PLA2G12A: variants seen among roughly 807,000 people sequenced by gnomAD.
The protein encoded by PLA2G12A is group XIIA secretory phospholipase A2.
In PLA2G12A, 11 loss-of-function variants were observed where a neutral mutation model predicts 16.0. The observed-to-expected ratio is 0.69, with a 90% confidence interval of 0.43 to 1.13. The LOEUF is 1.13. Ranked by LOEUF, PLA2G12A falls within the 50% of genes most tolerant of loss-of-function variation. The pLI, the probability that PLA2G12A is intolerant of heterozygous loss-of-function variation, is 0.00. For missense variants in PLA2G12A, 214 were observed against 237.3 expected (o/e 0.90, Z 0.65); for synonymous variants, 77 against 93.8 (o/e 0.82, Z 1.03).
intron 1 of PLA2G12A, among the ~76,000 whole-genome samples, chr4:109,723,119 CTTTT>C: frequency 6.6e-6 from 1 of 151,950 alleles, no homozygotes; most frequent in South Asian, 2.1e-4. Context: ...GTAAGATGGG[CTTTT>C]TAACCTTTTG....
intron 1 of PLA2G12A, among the ~76,000 whole-genome samples, chr4:109,728,382 G>C (rs1031260555): frequency 1.3e-5 from 2 of 152,136 alleles, no homozygotes; most frequent in African/African-American, 2.4e-5. Context: ...ATAATGAATA[G>C]GAATGACTAA....
At chr4:109,724,516 ACT>A (rs1438845528) in intron 1 of PLA2G12A, among the ~76,000 whole-genome samples, 1 of 151,858 alleles carries the variant, frequency 6.6e-6, no homozygotes, top group Non-Finnish European at 1.5e-5. Context: ...AAATCCATAG[ACT>A]CTGATTTCAA....
chr4:109,729,683 G>A lies in PLA2G12A; in HGVS notation c.127C>T (p.His43Tyr). 3 of 1,611,624 alleles carry A rather than the reference G, an allele frequency of 1.9e-6. No individual in the cohort carries two copies. Among genetic ancestry groups the A allele is most frequent in the Non-Finnish European group, 2.5e-6 (3 of 1,179,718 alleles). The change falls in exon 1 of 4, where the codon CAT becomes TAT. Residue 43 changes from histidine to tyrosine, a missense_variant. Physicochemically the swap from His to Tyr is moderately conservative, Grantham distance 83. Transcript: ENST00000243501. The part of the protein sequence containing the change: ...ATLKTIRNGV[H>Y]KIDTYLNAAL... ...GCGTTCAGGTACGTGTCTATCTTAT[G>A]AACGCCGTTCCGGATGGTCTTCAGG...
intron 1 of PLA2G12A, among the ~76,000 whole-genome samples, chr4:109,722,416 G>C (rs1298845633): frequency 6.6e-6 from 1 of 152,196 alleles, no homozygotes; most frequent in African/African-American, 2.4e-5. Flanking sequence ...GTATTAGAAG[G>C]TGGGACTATT....
At chr4:109,728,849 T>A (rs1722988342) in intron 1 of PLA2G12A, among the ~76,000 whole-genome samples, 1 of 152,178 alleles carries the variant, frequency 6.6e-6, no homozygotes, top group African/African-American at 2.4e-5. Context: ...GTCCAATATT[T>A]TTCTGACCTA....
chr4:109,722,037 C>T (rs763436538), intron 1 of PLA2G12A, among the ~76,000 whole-genome samples: 4 of 152,132 alleles, frequency 2.6e-5, no homozygotes, highest in Non-Finnish European at 4.4e-5. Flanking sequence ...GTCTCAACAC[C>T]GAGCACAAAT....
At position 109,714,004 on chromosome 4, in the gene PLA2G12A, G is replaced by C; in HGVS notation, c.*373C>G. 5.9e-6 allele frequency: 1 copy of C among 170,072 alleles called. No individual in the cohort carries two copies. Among genetic ancestry groups the C allele is most frequent in the South Asian group, 1.7e-4 (1 of 5,930 alleles). The allele number at this position is 170,072 out of a possible 1,614,324, so 10.5% of individuals were successfully genotyped here. On this transcript the variant is annotated 3_prime_UTR_variant, in exon 4 of 4. Transcript: ENST00000243501. ...CCCATTTTCCAAATAAGATAATGTT[G>C]AACAGACATTATGATGAATTTTATA...
In PLA2G12A at chr4:109,713,478, A is replaced by T. The variant is rs1408481216; in HGVS notation, c.*899T>A. On this transcript the variant is annotated 3_prime_UTR_variant, in exon 4 of 4. Transcript: ENST00000243501. Reference sequence around the variant, plus strand: ...AGTAAAAGGTTACAGTCTTTAAAAAATCTACAATAAGGAACAAGTGCTGGG... The same window carrying T: ...AGTAAAAGGTTACAGTCTTTAAAAATTCTACAATAAGGAACAAGTGCTGGG... 6.6e-6 allele frequency: 1 copy of T among 152,254 alleles called. No individual in the cohort carries two copies. Among genetic ancestry groups the T allele is most frequent in the Non-Finnish European group, 1.5e-5 (1 of 68,044 alleles). The allele number at this position is 152,254 out of a possible 1,614,324, so 9.4% of individuals were successfully genotyped here. A position where few individuals can be genotyped will look rare whatever the true frequency, so the allele number is the denominator to read the frequency against.
chr4:109,713,759 A>G lies in PLA2G12A; in HGVS notation c.*618T>C, dbSNP rs1363232360. ...ACGAGGTTATCAGCTGATGGTTCCA[A>G]TTTTACAACTGGAAAAATGGAAACC... On this transcript the variant is annotated 3_prime_UTR_variant, in exon 4 of 4. Transcript: ENST00000243501. The G allele has an allele frequency of 6.6e-6, 1 of 152,518 alleles. No homozygotes were observed. Among genetic ancestry groups the G allele is most frequent in the East Asian group, 1.9e-4 (1 of 5,208 alleles). The allele number at this position is 152,518 out of a possible 1,614,324, so 9.4% of individuals were successfully genotyped here.
chr4:109,724,773 G>A (rs1311258378), intron 1 of PLA2G12A, among the ~76,000 whole-genome samples: 1 of 152,190 alleles, frequency 6.6e-6, no homozygotes, highest in African/African-American at 2.4e-5. Context: ...CAAGGAAGTA[G>A]GAGGCTGCTG....
chr4:109,729,882 G>C lies in PLA2G12A; in HGVS notation c.-73C>G. ...CGTCCCCACAGAGTCCCCAGGACGC[G>C]CTAGGCAGCGGCGCGGGCCCCGGAC... is the stretch of plus-strand genomic sequence containing the variant. On this transcript the variant is annotated 5_prime_UTR_variant, in exon 1 of 4. Transcript: ENST00000243501. The C allele has an allele frequency of 7.4e-7, 1 of 1,343,674 alleles. No homozygotes were observed. Among genetic ancestry groups the C allele is most frequent in the Non-Finnish European group, 9.9e-7 (1 of 1,012,642 alleles). 83.2% of individuals were successfully genotyped at this position (1,343,674 alleles called of 1,614,324 possible).
Position 109,729,777 on chromosome 4 carries a change from G to A in PLA2G12A, c.33C>T (p.Leu11=). The part of the protein sequence containing the change: MALLSRPALT[L]LLLLMAAVVR... ...CAACAGCGGCCATGAGGAGGAGCAG[G>A]AGGGTGAGCGCGGGGCGCGAGAGCA... The change falls in exon 1 of 4, where the codon CTC becomes CTT. Residue 11 remains leucine (L), a synonymous_variant. Coordinates refer to ENST00000243501, the MANE Select transcript of PLA2G12A (RefSeq NM_030821.5). The A allele has an allele frequency of 1.9e-6, 3 of 1,563,318 alleles. No homozygotes were observed. The highest frequency in any genetic ancestry group is 1.2e-5 in the South Asian group (1 of 85,592).
intron 1 of PLA2G12A, among the ~76,000 whole-genome samples, chr4:109,719,631 A>C (rs1160918888): frequency 6.6e-6 from 1 of 152,230 alleles, no homozygotes; most frequent in Non-Finnish European, 1.5e-5. Flanking sequence ...GTCCCAGATC[A>C]TCACAATAAA....
rs373525099 is a variant in PLA2G12A at position 109,717,644 on chromosome 4, T to A, written c.355A>T (p.Lys119Ter). Reference sequence around the variant, plus strand: ...TCTTCATCACAGTCATTCTTGCTTTTGCCACAGGTCTCATAGCACCTGTCG... The same window carrying A: ...TCTTCATCACAGTCATTCTTGCTTTAGCCACAGGTCTCATAGCACCTGTCG... ...QHDRCYETCG[K>*]SKNDCDEEFQ... The change falls in exon 3 of 4, where the codon AAA becomes TAA. Residue 119 changes from lysine (K) to a stop codon, truncating the protein, a stop_gained. Coordinates refer to ENST00000243501, the MANE Select transcript of PLA2G12A (RefSeq NM_030821.5). LOFTEE classifies it high-confidence loss of function. 90 of 1,613,848 alleles carry A rather than the reference T, an allele frequency of 5.6e-5. No individual in the cohort carries two copies. The highest frequency in any genetic ancestry group is 7.5e-5 in the Non-Finnish European group (89 of 1,179,686).
Position 109,729,861 on chromosome 4 carries a change from C to A in PLA2G12A, c.-52G>T, listed in dbSNP as rs896675977. 6.7e-6 allele frequency: 10 copies of A among 1,485,152 alleles called. No individual in the cohort carries two copies. Among genetic ancestry groups the A allele is most frequent in the Non-Finnish European group, 9.0e-6 (10 of 1,106,094 alleles). 92.0% of individuals were successfully genotyped at this position (1,485,152 alleles called of 1,614,324 possible). A position where few individuals can be genotyped will look rare whatever the true frequency, so the allele number is the denominator to read the frequency against. ...CCCGAGCCGCGGCGCGGGGCGCGTC[C>A]CCACAGAGTCCCCAGGACGCGCTAG... On this transcript the variant is annotated 5_prime_UTR_variant, in exon 1 of 4. Transcript: ENST00000243501.
intron 1 of PLA2G12A, among the ~76,000 whole-genome samples, chr4:109,729,032 G>A (rs1479064770): frequency 6.6e-6 from 1 of 152,166 alleles, no homozygotes; most frequent in African/African-American, 2.4e-5. Flanking sequence ...CCAACAATGA[G>A]GAGGAGGCGG....
Position 109,730,023 on chromosome 4 carries a change from C to T in PLA2G12A, c.-214G>A, listed in dbSNP as rs899590776. 2.0e-6 allele frequency: 1 copy of T among 499,392 alleles called. No individual in the cohort carries two copies. The highest frequency in any genetic ancestry group is 3.5e-6 in the Non-Finnish European group (1 of 287,398). 30.9% of individuals were successfully genotyped at this position (499,392 alleles called of 1,614,324 possible). ...GCCGTCGCGGGGACGCGCCCGCTCACCTGGACCAGCGCGCCCGCTCACCTG... is the reference window on the plus strand; with the variant it reads ...GCCGTCGCGGGGACGCGCCCGCTCATCTGGACCAGCGCGCCCGCTCACCTG... On this transcript the variant is annotated 5_prime_UTR_variant, in exon 1 of 4. In the 5' UTR this introduces an upstream ATG that the reference lacks. Coordinates refer to ENST00000243501, the MANE Select transcript of PLA2G12A (RefSeq NM_030821.5).
Position 109,718,670 on chromosome 4 carries a change from A to T in PLA2G12A, c.285+13T>A. 6.4e-7 allele frequency: 1 copy of T among 1,563,480 alleles called. No individual in the cohort carries two copies. The highest frequency in any genetic ancestry group is 8.8e-7 in the Non-Finnish European group (1 of 1,142,296). ...CCAGTTACAAAACTTATCAAATAAAAGACAATATTTACATGAACACCAAAC... is the reference window on the plus strand; with the variant it reads ...CCAGTTACAAAACTTATCAAATAAATGACAATATTTACATGAACACCAAAC... On this transcript the variant is annotated intron_variant, in intron 2 of 3. Coordinates refer to ENST00000243501, the MANE Select transcript of PLA2G12A (RefSeq NM_030821.5).
intron 3 of PLA2G12A, among the ~76,000 whole-genome samples, chr4:109,714,731 A>ATTTTT (rs369832658): frequency 1.5e-5 from 2 of 130,182 alleles, no homozygotes; most frequent in Non-Finnish European, 3.3e-5. Context: ...GTTTAACCCA[A>ATTTTT]TTTTTTTTTT....
Sources: allele counts gnomAD v4.1 joint callset (sites outside exome capture counted in the v4.1 genomes callset), GRCh38; gene constraint gnomAD v4.1.1; transcripts MANE v1.5; gene names NCBI Gene and HGNC (gene_info 2026-07-23, HGNC 2026-07-21).